Variants in TENM4 observed in about 807,000 individuals in gnomAD.
TENM4 encodes the protein teneurin transmembrane protein 4, also known as teneurin-4.
TENM4 carries 82 observed loss-of-function variants against 243.3 expected under a neutral mutation model. That is an observed-to-expected ratio of 0.34 (90% CI 0.28 to 0.40). The LOEUF (loss-of-function observed/expected upper bound fraction) is 0.40, where lower values mean the gene tolerates loss of function less well. Among genes scored for constraint, TENM4 ranks in the 10% least tolerant of loss-of-function variants. The pLI is 1.00. For missense variants in TENM4, 3,138 were observed against 3,673.3 expected (o/e 0.85, Z 3.77); for synonymous variants, 1,412 against 1,456.3 (o/e 0.97, Z 0.69).
At chr11:78,674,641 G>T (rs1250002459) in intron 30 of TENM4, among the ~76,000 whole-genome samples, 1 of 151,344 alleles carries the variant, frequency 6.6e-6, no homozygotes, top group East Asian at 1.9e-4. Context: ...TGCCTCAGAG[G>T]CGCATGCAGG....
At chr11:78,971,199 A>AT (rs1857540618) in intron 6 of TENM4, among the ~76,000 whole-genome samples, 2 of 152,104 alleles carry the variant, frequency 1.3e-5, no homozygotes, top group Admixed American at 6.6e-5. Flanking sequence ...ACTTTTAAAG[A>AT]TTTTTTTAAA....
intron 6 of TENM4, among the ~76,000 whole-genome samples, chr11:79,001,586 A>C (rs1303201682): frequency 1.3e-5 from 2 of 152,204 alleles, no homozygotes; most frequent in Non-Finnish European, 2.9e-5. Flanking sequence ...GTGCAGGAAC[A>C]TCTGCAGTAG....
At chr11:78,685,021 GCC>G (rs112707144) in intron 29 of TENM4, among the ~76,000 whole-genome samples, 1 of 151,422 alleles carries the variant, frequency 6.6e-6, no homozygotes, top group African/African-American at 2.4e-5. Flanking sequence ...CTTCAAACAG[GCC>G]CCCCCCACTC....
At chr11:79,151,802 T>C (rs760565240) in intron 3 of TENM4, among the ~76,000 whole-genome samples, 13 of 152,138 alleles carry the variant, frequency 8.5e-5, no homozygotes, top group Non-Finnish European at 1.6e-4. Context: ...ACTTGGTATT[T>C]AATCATTTGT....
chr11:78,925,558 C>T (rs1856534843), intron 6 of TENM4, among the ~76,000 whole-genome samples: 1 of 152,124 alleles, frequency 6.6e-6, no homozygotes, highest in African/African-American at 2.4e-5. Context: ...CTAAAGATGA[C>T]ACCAGTTGTG....
intron 3 of TENM4, among the ~76,000 whole-genome samples, chr11:79,203,389 T>C (rs568519179): frequency 6.6e-6 from 1 of 152,346 alleles, no homozygotes; most frequent in South Asian, 2.1e-4. Flanking sequence ...AATGGGTAAG[T>C]AGAATATGAT....
At chr11:79,198,159 C>A (rs1863669849) in intron 3 of TENM4, among the ~76,000 whole-genome samples, 1 of 152,210 alleles carries the variant, frequency 6.6e-6, no homozygotes. Context: ...TATTGTTCAA[C>A]CACTGCCCTA....
At chr11:79,145,942 C>T (rs1302957328) in intron 4 of TENM4, among the ~76,000 whole-genome samples, 1 of 151,908 alleles carries the variant, frequency 6.6e-6, no homozygotes, top group African/African-American at 2.4e-5. Context: ...GAGTCTTTTG[C>T]CCATTTTTCT....
chr11:78,899,781 C>T (rs1225054625), intron 7 of TENM4, among the ~76,000 whole-genome samples: 1 of 152,152 alleles, frequency 6.6e-6, no homozygotes, highest in African/African-American at 2.4e-5. Flanking sequence ...CATGTGATCT[C>T]TGCACATACT....
chr11:79,213,422 T>G (rs1863989356), intron 3 of TENM4, among the ~76,000 whole-genome samples: 1 of 152,166 alleles, frequency 6.6e-6, no homozygotes, highest in African/African-American at 2.4e-5. Flanking sequence ...TAAACTTGTC[T>G]AGTAATATAC....
intron 6 of TENM4, among the ~76,000 whole-genome samples, chr11:78,909,303 G>T (rs910739274): frequency 6.6e-6 from 1 of 152,110 alleles, no homozygotes; most frequent in African/African-American, 2.4e-5. Context: ...ACTACTTGCC[G>T]GATACTTTCT....
At chr11:79,427,840 G>A (rs796771837) in intron 1 of TENM4, among the ~76,000 whole-genome samples, 8 of 152,332 alleles carry the variant, frequency 5.3e-5, no homozygotes, top group African/African-American at 1.9e-4. Flanking sequence ...AGCCTGGAGA[G>A]TATAACATAA....
At chr11:79,150,206 C>T (rs1303829009) in intron 3 of TENM4, among the ~76,000 whole-genome samples, 3 of 152,106 alleles carry the variant, frequency 2.0e-5, no homozygotes, top group Non-Finnish European at 4.4e-5. Flanking sequence ...TTCTTACCTG[C>T]TTGGTTCTCA....
intron 25 of TENM4, among the ~76,000 whole-genome samples, chr11:78,716,599 TG>T (rs1468990180): frequency 6.6e-6 from 1 of 152,196 alleles, no homozygotes; most frequent in Non-Finnish European, 1.5e-5. Context: ...TTCTCAAACA[TG>T]GCTACACATC....
At chr11:78,807,435 TACA>T (rs1221881017) in intron 14 of TENM4, among the ~76,000 whole-genome samples, 2 of 152,182 alleles carry the variant, frequency 1.3e-5, no homozygotes, top group African/African-American at 2.4e-5. Context: ...GTTATGGGGC[TACA>T]ACAACATTAA....
intron 4 of TENM4, among the ~76,000 whole-genome samples, chr11:79,143,024 C>A (rs911958120): frequency 6.6e-6 from 1 of 152,082 alleles, no homozygotes; most frequent in Non-Finnish European, 1.5e-5. Flanking sequence ...AGTCAGGAAA[C>A]AACATGTGCT....
intron 1 of TENM4, among the ~76,000 whole-genome samples, chr11:79,353,904 A>G (rs1176342745): frequency 6.6e-6 from 1 of 152,156 alleles, no homozygotes; most frequent in African/African-American, 2.4e-5. Flanking sequence ...GCTGCTTTCC[A>G]CTATAAGACA....
At chr11:79,042,422 A>G (rs2136906259) in intron 6 of TENM4, among the ~76,000 whole-genome samples, 1 of 152,324 alleles carries the variant, frequency 6.6e-6, no homozygotes, top group East Asian at 1.9e-4. Context: ...GATTAGGCCA[A>G]GAGGGCTCTT....
At chr11:78,707,205 A>G (rs972417215) in intron 27 of TENM4, among the ~76,000 whole-genome samples, 1 of 152,206 alleles carries the variant, frequency 6.6e-6, no homozygotes, top group African/African-American at 2.4e-5. Flanking sequence ...GCTGAAATCA[A>G]TTTGCAATTT....
Sources: gnomAD v4.1 joint callset for allele counts (sites outside exome capture counted in the v4.1 genomes callset) on GRCh38, gnomAD v4.1.1 for gene constraint, MANE v1.5 for transcripts, NCBI Gene and HGNC (gene_info 2026-07-23, HGNC 2026-07-21) for gene names.